Variants in KDM4C observed in about 807,000 individuals in gnomAD.
KDM4C encodes the protein lysine-specific demethylase 4C.
KDM4C carries 81 observed loss-of-function variants against 129.3 expected under a neutral mutation model. The observed-to-expected ratio is 0.63, with a 90% CI of 0.52 to 0.75. The LOEUF (loss-of-function observed/expected upper bound fraction) is 0.75, where lower values mean the gene tolerates loss of function less well. Among genes scored for constraint, KDM4C ranks in the 30% least tolerant of loss-of-function variants. The pLI, the probability that KDM4C is intolerant of heterozygous loss-of-function variation, is 0.00. For synonymous variants in KDM4C, 573 were observed against 456.1 expected (o/e 1.26, Z -3.26); for missense variants, 1,457 against 1,304.0 (o/e 1.12, Z -1.81).
chr9:7,005,523 C>G (rs1342764308), intron 12 of KDM4C, among the ~76,000 whole-genome samples: 1 of 148,822 alleles, frequency 6.7e-6, no homozygotes, highest in African/African-American at 2.6e-5. Context: ...ATTTATTTAA[C>G]TAAAGGTAAG....
chr9:7,116,522 C>G (rs974688650), intron 18 of KDM4C, among the ~76,000 whole-genome samples: 1 of 152,128 alleles, frequency 6.6e-6, no homozygotes, highest in Admixed American at 6.5e-5. Context: ...CCTGCCCCCA[C>G]GTGAACCCCA....
At chr9:6,960,232 G>A (rs542595051) in intron 8 of KDM4C, among the ~76,000 whole-genome samples, 4 of 151,586 alleles carry the variant, frequency 2.6e-5, no homozygotes, top group Admixed American at 1.3e-4. Flanking sequence ...CACAAAGACT[G>A]TGAAGCAGTT....
chr9:6,782,376 T>C (rs1193644725), intron 1 of KDM4C, among the ~76,000 whole-genome samples: 1 of 152,178 alleles, frequency 6.6e-6, no homozygotes, highest in Non-Finnish European at 1.5e-5. Flanking sequence ...CAGATTAGGC[T>C]CATTTCCCAT....
At chr9:7,050,505 T>C (rs1830013157) in intron 17 of KDM4C, among the ~76,000 whole-genome samples, 1 of 145,866 alleles carries the variant, frequency 6.9e-6, no homozygotes, top group African/African-American at 2.5e-5. Flanking sequence ...CTATAAGATA[T>C]GATATCCAAA....
rs1819559258 is a variant in KDM4C at position 6,912,755 on chromosome 9, G to A, written c.921+19523G>A. On this transcript the variant is annotated intron_variant, in intron 8 of 21. Transcript: ENST00000381309. ...AACTGGATTCTAATGAGGATAGCAG[G>A]TATTAGTGTCTGCTGAACTGATGGT... Among the ~76,000 whole-genome samples, 2 of 152,128 alleles carry A rather than the reference G, an allele frequency of 1.3e-5. 1 individual carries two copies. Among genetic ancestry groups the A allele is most frequent in the South Asian group, 4.1e-4 (2 of 4,830 alleles).
chr9:7,144,444 T>G (rs1466712629), intron 19 of KDM4C, among the ~76,000 whole-genome samples: 3 of 152,230 alleles, frequency 2.0e-5, no homozygotes, highest in African/African-American at 7.2e-5. Flanking sequence ...AATGCAAGGT[T>G]AAATTATAGG....
intron 15 of KDM4C, among the ~76,000 whole-genome samples, chr9:7,017,433 T>G (rs913076736): frequency 1.1e-4 from 16 of 152,208 alleles, no homozygotes; most frequent in African/African-American, 3.9e-4. Context: ...AAGACCTTGT[T>G]AAAAATTTAC....
intron 8 of KDM4C, chr9:6,902,860 G>A (rs1015420187): frequency 6.6e-6 from 1 of 152,198 alleles, no homozygotes; most frequent in East Asian, 1.9e-4. Context: ...ATGAAAAGAA[G>A]TGCCAATAAC....
intron 15 of KDM4C, among the ~76,000 whole-genome samples, chr9:7,022,875 A>G (rs1825125601): frequency 6.6e-6 from 1 of 152,158 alleles, no homozygotes; most frequent in Admixed American, 6.5e-5. Flanking sequence ...GGACTTTATC[A>G]AATGCTTTTT....
intron 8 of KDM4C, among the ~76,000 whole-genome samples, chr9:6,947,797 G>T (rs1396343894): frequency 6.6e-6 from 1 of 151,264 alleles, no homozygotes; most frequent in Non-Finnish European, 1.5e-5. Flanking sequence ...GTGTAAGTCA[G>T]AATCTTGGGT....
At chr9:7,104,689 C>G (rs1337218288) in intron 18 of KDM4C, among the ~76,000 whole-genome samples, 2 of 152,184 alleles carry the variant, frequency 1.3e-5, no homozygotes, top group Non-Finnish European at 2.9e-5. Context: ...AAATAGGAGG[C>G]TAAAGCATTG....
At chr9:7,164,892 A>C (rs1587955100) in intron 19 of KDM4C, among the ~76,000 whole-genome samples, 1 of 152,180 alleles carries the variant, frequency 6.6e-6, no homozygotes, top group Admixed American at 6.5e-5. Context: ...TGCTATATAA[A>C]TGTCAGGTGT....
intron 11 of KDM4C, among the ~76,000 whole-genome samples, chr9:6,989,352 G>A (rs1170957794): frequency 6.6e-6 from 1 of 151,976 alleles, no homozygotes; most frequent in Non-Finnish European, 1.5e-5. Context: ...AGCTTGCTGG[G>A]TTCAAACTCT....
chr9:6,866,522 T>C (rs577493724), intron 5 of KDM4C, among the ~76,000 whole-genome samples: 138 of 152,276 alleles, frequency 9.1e-4, no homozygotes, highest in African/African-American at 3.3e-3. Context: ...GTTGGCTGAA[T>C]TGCTGAGTTT....
intron 19 of KDM4C, among the ~76,000 whole-genome samples, chr9:7,153,028 C>T (rs527552904): frequency 6.6e-6 from 1 of 152,120 alleles, no homozygotes; most frequent in Non-Finnish European, 1.5e-5. Flanking sequence ...AAAATTTTTT[C>T]CTATCTTTAA....
At chr9:6,776,159 A>G (rs1307579803) in intron 1 of KDM4C, among the ~76,000 whole-genome samples, 1 of 152,186 alleles carries the variant, frequency 6.6e-6, no homozygotes. Context: ...ATCGTAGCTC[A>G]CTGAAGCCTT....
At chr9:7,139,107 A>G (rs991996952) in intron 19 of KDM4C, among the ~76,000 whole-genome samples, 8 of 151,998 alleles carry the variant, frequency 5.3e-5, no homozygotes, top group Admixed American at 4.6e-4. Flanking sequence ...ACCCATCTCT[A>G]CAAAAAAATT....
intron 12 of KDM4C, among the ~76,000 whole-genome samples, chr9:6,997,334 G>T (rs1253856769): frequency 6.6e-6 from 1 of 152,184 alleles, no homozygotes; most frequent in East Asian, 1.9e-4. Flanking sequence ...AGCCTTAAAA[G>T]CCTACACCTT....
chr9:7,171,606 T>A (rs7874501), intron 21 of KDM4C, among the ~76,000 whole-genome samples: 1 of 151,806 alleles, frequency 6.6e-6, no homozygotes, highest in East Asian at 1.9e-4. Flanking sequence ...CTAAGCATCC[T>A]ACCAGCTGAG....
Sources: allele counts gnomAD v4.1 joint callset (sites outside exome capture counted in the v4.1 genomes callset), GRCh38; gene constraint gnomAD v4.1.1; transcripts MANE v1.5; gene names NCBI Gene and HGNC (gene_info 2026-07-23, HGNC 2026-07-21).